The following ARHGAP24 variants were observed in gnomAD, a reference collection of about 807,000 sequenced individuals.
ARHGAP24 encodes the protein Rho GTPase activating protein 24, also known as rho GTPase-activating protein 24.
A neutral mutation model predicts 76.4 loss-of-function variants in ARHGAP24; 50 were observed. The observed-to-expected ratio is 0.65, with a 90% confidence interval of 0.52 to 0.83. The LOEUF is 0.83. Ranked by LOEUF, ARHGAP24 falls within the 40% of genes least tolerant of loss-of-function variation. The probability of loss-of-function intolerance (pLI) is 0.00; values close to 1 mark genes in which losing one functional copy is unlikely to be tolerated. For missense variants in ARHGAP24, 930 were observed against 914.2 expected (o/e 1.02, Z -0.22); for synonymous variants, 345 against 323.3 (o/e 1.07, Z -0.72).
chr4:85,633,537 A>G (rs765490226), intron 2 of ARHGAP24, among the ~76,000 whole-genome samples: 1 of 151,792 alleles, frequency 6.6e-6, no homozygotes, highest in Non-Finnish European at 1.5e-5. Context: ...TCTCAAATCT[A>G]TTTTGCTATA....
intron 1 of ARHGAP24, among the ~76,000 whole-genome samples, chr4:85,507,680 G>C (rs539656865): frequency 6.6e-6 from 1 of 152,138 alleles, no homozygotes; most frequent in Non-Finnish European, 1.5e-5. Flanking sequence ...CTTCTTCACC[G>C]GGTTGTGGAA....
At chr4:85,550,662 T>C (rs1296810148) in intron 1 of ARHGAP24, among the ~76,000 whole-genome samples, 6 of 152,234 alleles carry the variant, frequency 3.9e-5, no homozygotes, top group Non-Finnish European at 8.8e-5. Flanking sequence ...ATACCAATAT[T>C]GATTCTTCTT....
At chr4:85,661,302 G>A (rs915754791) in intron 2 of ARHGAP24, among the ~76,000 whole-genome samples, 1 of 152,070 alleles carries the variant, frequency 6.6e-6, no homozygotes, top group Non-Finnish European at 1.5e-5. Context: ...CATAGAAGGA[G>A]CAGGACAACC....
intron 2 of ARHGAP24, among the ~76,000 whole-genome samples, chr4:85,602,922 C>T (rs1428352543): frequency 6.6e-6 from 1 of 152,150 alleles, no homozygotes; most frequent in Non-Finnish European, 1.5e-5. Flanking sequence ...TTTGATTAAT[C>T]ATGATTACCT....
chr4:85,631,950 A>G (rs575047719), intron 2 of ARHGAP24, among the ~76,000 whole-genome samples: 107 of 152,208 alleles, frequency 7.0e-4, no homozygotes, highest in African/African-American at 2.4e-3. Flanking sequence ...TAATGTAACT[A>G]GAATACATCT....
intron 1 of ARHGAP24, among the ~76,000 whole-genome samples, chr4:85,564,429 T>C (rs908766848): frequency 1.8e-4 from 24 of 133,754 alleles, no homozygotes; most frequent in Non-Finnish European, 2.1e-4. Context: ...CATTAGGAGA[T>C]ATACCTAATG....
chr4:85,607,359 A>AGAGG (rs1448174588), intron 2 of ARHGAP24, among the ~76,000 whole-genome samples: 8 of 151,610 alleles, frequency 5.3e-5, no homozygotes, highest in African/African-American at 1.9e-4. Flanking sequence ...AAAGAGAGAG[A>AGAGG]GAGGGAGGGA....
At chr4:85,582,774 A>G (rs529278924) in intron 2 of ARHGAP24, among the ~76,000 whole-genome samples, 9 of 152,272 alleles carry the variant, frequency 5.9e-5, no homozygotes, top group Middle Eastern at 6.8e-3. Context: ...ATCTCAGGTA[A>G]TGGTCTGAAT....
intron 3 of ARHGAP24, among the ~76,000 whole-genome samples, chr4:85,749,715 G>A (rs1283800905): frequency 6.6e-6 from 1 of 152,082 alleles, no homozygotes; most frequent in Non-Finnish European, 1.5e-5. Context: ...ACAGGCACCT[G>A]CCACCACGCC....
chr4:85,864,425 C>T (rs1455921107), intron 3 of ARHGAP24, among the ~76,000 whole-genome samples: 4 of 151,956 alleles, frequency 2.6e-5, no homozygotes, highest in Non-Finnish European at 4.4e-5. Flanking sequence ...CCAAAGAAAA[C>T]AGTACAGTTA....
At chr4:85,772,176 G>A (rs184887556) in intron 3 of ARHGAP24, among the ~76,000 whole-genome samples, 5 of 152,254 alleles carry the variant, frequency 3.3e-5, no homozygotes, top group Non-Finnish European at 5.9e-5. Flanking sequence ...CCGTGACCTC[G>A]TTCTTGATAC....
At chr4:85,997,729 C>T (rs1160521124) in intron 9 of ARHGAP24, among the ~76,000 whole-genome samples, 2 of 152,036 alleles carry the variant, frequency 1.3e-5, no homozygotes, top group Non-Finnish European at 2.9e-5. Context: ...AATCTTGGCT[C>T]ACTGCAACCT....
At chr4:85,531,736 T>C (rs1490516879) in intron 1 of ARHGAP24, among the ~76,000 whole-genome samples, 2 of 152,098 alleles carry the variant, frequency 1.3e-5, no homozygotes, top group Non-Finnish European at 2.9e-5. Context: ...TTTCACTTCC[T>C]CCTTTTAATA....
chr4:85,939,046 C>T (rs1161968200), intron 4 of ARHGAP24, among the ~76,000 whole-genome samples: 1 of 152,162 alleles, frequency 6.6e-6, no homozygotes, highest in Non-Finnish European at 1.5e-5. Flanking sequence ...CTTAGCTCCA[C>T]CATTTACTGC....
At chr4:85,623,619 T>G (rs1720806996) in intron 2 of ARHGAP24, among the ~76,000 whole-genome samples, 1 of 152,036 alleles carries the variant, frequency 6.6e-6, no homozygotes, top group Non-Finnish European at 1.5e-5. Flanking sequence ...TTTTTCCAAT[T>G]CTGTGAAGAA....
At chr4:85,921,173 G>C (rs564060490) in intron 3 of ARHGAP24, among the ~76,000 whole-genome samples, 18 of 152,122 alleles carry the variant, frequency 1.2e-4, no homozygotes, top group Non-Finnish European at 2.2e-4. Context: ...TGTGTTACAC[G>C]TACACCACGG....
intron 2 of ARHGAP24, among the ~76,000 whole-genome samples, chr4:85,660,817 A>AAAAAAAAAAAAAC (rs1560573731): frequency 7.3e-5 from 11 of 149,840 alleles, no homozygotes; most frequent in Non-Finnish European, 1.0e-4. Context: ...AAAAAAAAAA[A>AAAAAAAAAAAAAC]TCTGTAGATG....
chr4:85,631,299 T>C (rs968331844), intron 2 of ARHGAP24, among the ~76,000 whole-genome samples: 1 of 152,150 alleles, frequency 6.6e-6, no homozygotes, highest in African/African-American at 2.4e-5. Flanking sequence ...AATATCTGTT[T>C]ACTCTTTAAA....
intron 4 of ARHGAP24, chr4:85,930,581 A>T (rs1175687568): frequency 9.6e-7 from 1 of 1,040,910 alleles, no homozygotes; most frequent in East Asian, 9.4e-5. Context: ...AAACAAAAAA[A>T]TGCAAAAACC....
Sources: allele counts gnomAD v4.1 joint callset (sites outside exome capture counted in the v4.1 genomes callset), GRCh38; gene constraint gnomAD v4.1.1; transcripts MANE v1.5; gene names NCBI Gene and HGNC (gene_info 2026-07-23, HGNC 2026-07-21).